Variants in NHERF1 observed in about 807,000 individuals in gnomAD.
NHERF1 encodes NHERF family PDZ scaffold protein 1.
chr17:74,749,047 G>A, the NHERF1 span: 23 of 1,598,882 alleles, frequency 1.4e-5, no homozygotes, highest in East Asian at 4.7e-4. This position sits in a 1 kb window ranked among gnomAD's most constrained non-coding sequence, Gnocchi z 5.6. Flanking sequence ...GCGAAAACGT[G>A]GAGAAGGAGA....
the NHERF1 span, among the ~76,000 whole-genome samples, chr17:74,764,565 C>T: frequency 6.6e-6 from 1 of 152,152 alleles, no homozygotes; most frequent in African/African-American, 2.4e-5. This position sits in a 1 kb window ranked among gnomAD's most constrained non-coding sequence, Gnocchi z 4.9. Flanking sequence ...GGATCTGATA[C>T]GAGGAAGACA....
At chr17:74,766,762 A>T in the NHERF1 span, among the ~76,000 whole-genome samples, 54,302 of 151,374 alleles carry the variant, frequency 0.36, 11,458 homozygotes, top group Non-Finnish European at 0.48. Flanking sequence ...TAAAAAAAAA[A>T]TTTTTTTTAA....
chr17:74,749,235 G>A, the NHERF1 span: 1 of 1,529,566 alleles, frequency 6.5e-7, no homozygotes, highest in South Asian at 1.2e-5. The surrounding 1 kb of genome is among the most constrained non-coding windows in gnomAD (Gnocchi z 5.6). Context: ...GAGGTGCAGG[G>A]GGCTGGCAAC....
chr17:74,751,051 T>C, the NHERF1 span, among the ~76,000 whole-genome samples: 1 of 152,214 alleles, frequency 6.6e-6, no homozygotes, highest in East Asian at 1.9e-4. This position sits in a 1 kb window ranked among gnomAD's most constrained non-coding sequence, Gnocchi z 4.3. Context: ...CCAGGACTTC[T>C]GAGTTCTGGT....
the NHERF1 span, among the ~76,000 whole-genome samples, chr17:74,753,483 T>G: frequency 6.6e-6 from 1 of 152,122 alleles, no homozygotes; most frequent in African/African-American, 2.4e-5. Context: ...GGTATGTGAT[T>G]GTTTGTGTGT....
chr17:74,768,512 C>T, the NHERF1 span: 3 of 1,614,160 alleles, frequency 1.9e-6, no homozygotes, highest in South Asian at 1.1e-5. Context: ...CCACAGCGCC[C>T]TCGTCTACCT....
chr17:74,766,734 G>T, the NHERF1 span, among the ~76,000 whole-genome samples: 13 of 151,958 alleles, frequency 8.6e-5, no homozygotes, highest in East Asian at 2.5e-3. Context: ...TGCATGACAT[G>T]GCAAGGCCCC....
chr17:74,752,282 C>CT, the NHERF1 span, among the ~76,000 whole-genome samples: 153 of 144,890 alleles, frequency 1.1e-3, no homozygotes, highest in Middle Eastern at 3.5e-3. Flanking sequence ...TAAATTTTTT[C>CT]TTTTTTTTTT....
At chr17:74,749,054 G>A in the NHERF1 span, 3 of 1,597,884 alleles carry the variant, frequency 1.9e-6, no homozygotes, top group East Asian at 4.5e-5. The surrounding 1 kb of genome is among the most constrained non-coding windows in gnomAD (Gnocchi z 5.6). Flanking sequence ...CGTGGAGAAG[G>A]AGACCCACCA....
chr17:74,748,760 G>C, the NHERF1 span: 1 of 1,258,288 alleles, frequency 7.9e-7, no homozygotes, highest in Non-Finnish European at 1.1e-6. This position sits in a 1 kb window ranked among gnomAD's most constrained non-coding sequence, Gnocchi z 4.3. Context: ...TGCGCTCCCG[G>C]TTCGCTGGAC....
chr17:74,768,544 A>G, the NHERF1 span: 1 of 1,613,846 alleles, frequency 6.2e-7, no homozygotes, highest in Non-Finnish European at 8.5e-7. Context: ...CCCATCCTAG[A>G]CTTCAACATC....
At chr17:74,756,321 C>G in the NHERF1 span, among the ~76,000 whole-genome samples, 1 of 137,472 alleles carries the variant, frequency 7.3e-6, no homozygotes, top group South Asian at 2.5e-4. Flanking sequence ...CTCTATCACC[C>G]AGGCTGGAGT....
the NHERF1 span, among the ~76,000 whole-genome samples, chr17:74,752,495 T>C: frequency 6.6e-6 from 1 of 151,278 alleles, no homozygotes; most frequent in South Asian, 2.1e-4. Context: ...TCACTTTTTT[T>C]GTTTTTGTTT....
chr17:74,764,272 A>G, the NHERF1 span, among the ~76,000 whole-genome samples: 1 of 152,174 alleles, frequency 6.6e-6, no homozygotes, highest in African/African-American at 2.4e-5. The surrounding 1 kb of genome is among the most constrained non-coding windows in gnomAD (Gnocchi z 4.9). Flanking sequence ...TGGAGACTCA[A>G]GGTTGTATGT....
At chr17:74,768,418 G>A in the NHERF1 span, 1 of 1,595,628 alleles carries the variant, frequency 6.3e-7, no homozygotes, top group East Asian at 2.2e-5. Context: ...GGACCAGGGA[G>A]CCTAATGAGG....
At chr17:74,750,292 C>G in the NHERF1 span, among the ~76,000 whole-genome samples, 2 of 152,154 alleles carry the variant, frequency 1.3e-5, no homozygotes, top group Non-Finnish European at 2.9e-5. Context: ...CCTCCTGTCC[C>G]CAGAGAGTGG....
At chr17:74,762,459 G>T in the NHERF1 span, among the ~76,000 whole-genome samples, 2 of 152,194 alleles carry the variant, frequency 1.3e-5, no homozygotes, top group Admixed American at 6.5e-5. This position sits in a 1 kb window ranked among gnomAD's most constrained non-coding sequence, Gnocchi z 4.2. Flanking sequence ...ATCGATCAGG[G>T]AGATGTCTGG....
chr17:74,754,538 G>T, the NHERF1 span, among the ~76,000 whole-genome samples: 6 of 151,592 alleles, frequency 4.0e-5, no homozygotes, highest in Admixed American at 6.6e-5. Flanking sequence ...ATGTAGCTAG[G>T]ATTACAAACA....
chr17:74,766,838 A>C, the NHERF1 span: 1 of 1,115,660 alleles, frequency 9.0e-7, no homozygotes, highest in Non-Finnish European at 1.4e-6. Context: ...GACCCAGGGA[A>C]CAAGATCTAA....
Sources: allele counts gnomAD v4.1 joint callset (sites outside exome capture counted in the v4.1 genomes callset), GRCh38; gene constraint gnomAD v4.1.1; non-coding constraint Gnocchi (gnomAD v3.1); transcripts MANE v1.5; gene names NCBI Gene and HGNC (gene_info 2026-07-23, HGNC 2026-07-21).